Variants in LINGO2 observed in about 807,000 individuals in gnomAD.
LINGO2 encodes the protein leucine-rich repeat and immunoglobulin-like domain-containing nogo receptor-interacting protein 2.
In LINGO2, 14 loss-of-function variants were observed where a neutral mutation model predicts 30.6. The observed-to-expected ratio is 0.46, with a 90% CI of 0.30 to 0.72. The LOEUF (loss-of-function observed/expected upper bound fraction) is 0.72, where lower values mean the gene tolerates loss of function less well. Among genes scored for constraint, LINGO2 ranks in the 30% least tolerant of loss-of-function variants. The pLI is 0.07. For synonymous variants in LINGO2, 317 were observed against 288.5 expected, an observed-to-expected ratio of 1.10 and a Z score of -1.00; for missense variants, 729 against 751.7, an observed-to-expected ratio of 0.97 and a Z score of 0.35.
chr9:28,065,919 C>G (rs1825300086), intron 4 of LINGO2, among the ~76,000 whole-genome samples: 1 of 152,058 alleles, frequency 6.6e-6, no homozygotes, highest in South Asian at 2.1e-4. Flanking sequence ...ACAACTGACT[C>G]ACCTGTATGT....
intron 4 of LINGO2, among the ~76,000 whole-genome samples, chr9:28,199,832 G>C (rs1277300035): frequency 2.0e-5 from 3 of 151,992 alleles, no homozygotes; most frequent in African/African-American, 7.2e-5. Flanking sequence ...CCAATACATT[G>C]AAAGATAATT....
chr9:28,671,068 T>C (rs1213034703), upstream of LINGO2, among the ~76,000 whole-genome samples: 1 of 152,120 alleles, frequency 6.6e-6, no homozygotes, highest in Non-Finnish European at 1.5e-5. Context: ...TTGCTGCATA[T>C]TGTCACTTTC....
chr9:28,386,576 A>G (rs999619979), intron 2 of LINGO2, among the ~76,000 whole-genome samples: 5 of 152,186 alleles, frequency 3.3e-5, no homozygotes, highest in Admixed American at 6.5e-5. Context: ...AAACCACAAT[A>G]TCTTCAATAA....
At chr9:28,906,487 G>T in the LINGO2 span, among the ~76,000 whole-genome samples, 2 of 151,684 alleles carry the variant, frequency 1.3e-5, no homozygotes, top group East Asian at 3.9e-4. Context: ...AGATACAGCA[G>T]ATATCCTGGC....
intron 1 of LINGO2, among the ~76,000 whole-genome samples, chr9:28,589,108 T>G (rs1201222435): frequency 6.6e-6 from 1 of 152,126 alleles, no homozygotes. Context: ...CAACCCTTCA[T>G]GCTAAAAACT....
rs181848949 is a variant in LINGO2 at position 28,380,332 on chromosome 9, G to A, written c.-278-7464C>T. 1.7e-3 allele frequency among the ~76,000 whole-genome samples: 252 copies of A among 150,672 alleles called. 2 individuals are homozygous for A. Among genetic ancestry groups the A allele is most frequent in the African/African-American group, 5.1e-3 (209 of 41,072 alleles). Reference sequence around the variant, plus strand: ...TAAGGCCACCAGACGCAAGCTAGGTGACCATTAATAGAGGACATCGTAGAG... The same window carrying A: ...TAAGGCCACCAGACGCAAGCTAGGTAACCATTAATAGAGGACATCGTAGAG... On this transcript the variant is annotated intron_variant, in intron 2 of 5. Coordinates refer to ENST00000379992, the Ensembl canonical transcript of LINGO2.
At chr9:28,756,440 T>A in the LINGO2 span, among the ~76,000 whole-genome samples, 1 of 151,930 alleles carries the variant, frequency 6.6e-6, no homozygotes, top group African/African-American at 2.4e-5. Context: ...GGACTTAGAT[T>A]TTTTGGTTGA....
At chr9:28,827,756 A>T in the LINGO2 span, among the ~76,000 whole-genome samples, 19 of 152,160 alleles carry the variant, frequency 1.2e-4, no homozygotes, top group Admixed American at 1.2e-3. Context: ...TCTGCAGCAA[A>T]AGATATTTTA....
chr9:28,060,005 G>A (rs1563951373), intron 4 of LINGO2, among the ~76,000 whole-genome samples: 1 of 151,914 alleles, frequency 6.6e-6, no homozygotes, highest in Non-Finnish European at 1.5e-5. Context: ...CTTAGTGTCA[G>A]TTTCTAAAGT....
At chr9:28,574,434 A>T (rs1405327323) in intron 1 of LINGO2, among the ~76,000 whole-genome samples, 1 of 152,090 alleles carries the variant, frequency 6.6e-6, no homozygotes, top group Non-Finnish European at 1.5e-5. Flanking sequence ...CTTGTAAGAG[A>T]GCTACTAGTC....
intron 1 of LINGO2, among the ~76,000 whole-genome samples, chr9:28,665,962 G>A (rs191843815): frequency 1.3e-3 from 193 of 149,188 alleles, no homozygotes; most frequent in African/African-American, 3.8e-3. Context: ...GCGCGATCTC[G>A]GCTCACTGCA....
chr9:28,008,700 A>G (rs1022330559), intron 5 of LINGO2, among the ~76,000 whole-genome samples: 2 of 152,198 alleles, frequency 1.3e-5, no homozygotes, highest in African/African-American at 4.8e-5. Context: ...AAGAAGAATA[A>G]GATACTTAGA....
chr9:28,528,705 A>T, intron 1 of LINGO2, among the ~76,000 whole-genome samples: 1 of 152,226 alleles, frequency 6.6e-6, no homozygotes, highest in Middle Eastern at 3.4e-3. Context: ...CTTACTATCT[A>T]CTAAATACTA....
At chr9:29,065,318 T>C in the LINGO2 span, among the ~76,000 whole-genome samples, 11 of 152,268 alleles carry the variant, frequency 7.2e-5, no homozygotes, top group African/African-American at 2.6e-4. Flanking sequence ...CAATTGCTTT[T>C]GGAGTCTTCA....
the LINGO2 span, among the ~76,000 whole-genome samples, chr9:28,996,776 A>C: frequency 6.6e-6 from 1 of 152,202 alleles, no homozygotes; most frequent in Non-Finnish European, 1.5e-5. Context: ...ATGATACCTC[A>C]TATTTATATT....
the LINGO2 span, among the ~76,000 whole-genome samples, chr9:29,055,936 G>GTATATATATATATATAGACATATA: frequency 8.2e-6 from 1 of 121,862 alleles, no homozygotes; most frequent in African/African-American, 3.2e-5. Flanking sequence ...GTGTATGTGT[G>GTATATATATATATATAGACATATA]TGTGTATATA....
chr9:28,418,231 T>A (rs796539221), intron 2 of LINGO2, among the ~76,000 whole-genome samples: 1 of 151,738 alleles, frequency 6.6e-6, no homozygotes, highest in South Asian at 2.1e-4. Context: ...CTAGAATAAG[T>A]CCTAACTCTG....
intron 3 of LINGO2, among the ~76,000 whole-genome samples, chr9:28,300,126 G>GAA (rs11306826): frequency 3.0e-5 from 4 of 132,004 alleles, no homozygotes; most frequent in African/African-American, 1.1e-4. Flanking sequence ...TTTTCTAATG[G>GAA]AAAAAAAAAA....
At chr9:28,270,127 T>C (rs150113278) in intron 4 of LINGO2, among the ~76,000 whole-genome samples, 1 of 152,146 alleles carries the variant, frequency 6.6e-6, no homozygotes, top group South Asian at 2.1e-4. Context: ...TTTCACTGAG[T>C]TCGGCAAAGT....
Sources: allele counts gnomAD v4.1 joint callset (sites outside exome capture counted in the v4.1 genomes callset), GRCh38; gene constraint gnomAD v4.1.1; transcripts MANE v1.5; gene names NCBI Gene and HGNC (gene_info 2026-07-23, HGNC 2026-07-21).